HIVEP3: variants seen among roughly 807,000 people sequenced by gnomAD.
The protein encoded by HIVEP3 is HIVEP zinc finger 3.
HIVEP3 carries 49 observed loss-of-function variants against 152.8 expected under a neutral mutation model. That is an observed-to-expected ratio of 0.32 (90% CI 0.26 to 0.41). HIVEP3 has a LOEUF of 0.41. HIVEP3 is among the 10% of genes least tolerant of loss of function. HIVEP3 has a pLI of 1.00. For missense variants in HIVEP3, 2,790 were observed against 3,103.3 expected (o/e 0.90, Z 2.40); for synonymous variants, 1,269 against 1,289.0 (o/e 0.98, Z 0.33).
intron 1 of HIVEP3, among the ~76,000 whole-genome samples, chr1:41,963,233 G>A (rs191652654): frequency 1.3e-5 from 2 of 152,080 alleles, no homozygotes; most frequent in African/African-American, 4.8e-5. Context: ...GGATGGTCTC[G>A]ATCTCCTGAC....
At chr1:42,024,849 T>C (rs1416373520) in intron 1 of HIVEP3, among the ~76,000 whole-genome samples, 1 of 152,252 alleles carries the variant, frequency 6.6e-6, no homozygotes, top group African/African-American at 2.4e-5. Flanking sequence ...CATTTTGCCA[T>C]TATTCTTGAA....
At chr1:41,652,580 C>T (rs1470988089) in intron 2 of HIVEP3, among the ~76,000 whole-genome samples, 6 of 152,166 alleles carry the variant, frequency 3.9e-5, no homozygotes, top group Non-Finnish European at 7.3e-5. Context: ...ACTCACCCTA[C>T]GAGCAACGTG....
chr1:42,008,889 T>G (rs1645476971), intron 1 of HIVEP3, among the ~76,000 whole-genome samples: 1 of 152,176 alleles, frequency 6.6e-6, no homozygotes, highest in Non-Finnish European at 1.5e-5. Context: ...AATAGACACG[T>G]TAAAATTTGG....
intron 1 of HIVEP3, among the ~76,000 whole-genome samples, chr1:41,875,654 CT>C (rs1158041216): frequency 6.6e-6 from 1 of 152,188 alleles, no homozygotes; most frequent in Non-Finnish European, 1.5e-5. Context: ...GTGGGGCCTC[CT>C]TTCCCTTACT....
chr1:41,525,032 A>G, intron 5 of HIVEP3, 122 bp from the exon 6 acceptor site: 1 of 930,218 alleles, frequency 1.1e-6, no homozygotes, highest in Non-Finnish European at 1.6e-6. Flanking sequence ...AATGGAGGCC[A>G]CGGAACCAGA....
chr1:41,586,069 A>T lies in HIVEP3; in HGVS notation c.-521-751T>A, dbSNP rs148179254. 1.4e-3 allele frequency among the ~76,000 whole-genome samples: 206 copies of T among 152,338 alleles called. 1 individual carries two copies. Among genetic ancestry groups the T allele is most frequent in the African/African-American group, 4.8e-3 (201 of 41,582 alleles). On this transcript the variant is annotated intron_variant, in intron 3 of 8. Transcript: ENST00000372583. ...CTGTGACCATTTGCTTGATCCAAGC[A>T]ATTGCCAGGAGGATCATTCTGGAAG...
chr1:41,511,244 G>A lies in HIVEP3; in HGVS notation c.6428C>T (p.Pro2143Leu). 2 of 1,608,274 alleles carry A rather than the reference G, an allele frequency of 1.2e-6. No individual in the cohort carries two copies. The highest frequency in any genetic ancestry group is 1.7e-6 in the Non-Finnish European group (2 of 1,176,590). Reference sequence around the variant, plus strand: ...ATGAGCAGGGCCGGGTGAGCAGGAGGGACTTCGGGACTCGGCCTTCTGCTG... The same window carrying A: ...ATGAGCAGGGCCGGGTGAGCAGGAGAGACTTCGGGACTCGGCCTTCTGCTG... ...SPWQKAESRS[P>L]SCSPGPAHPL... The change falls in exon 9 of 9, where the codon CCC becomes CTC. Residue 2143 changes from proline to leucine, a missense_variant. Physicochemically the swap from Pro to Leu is moderately conservative, Grantham distance 98. Coordinates refer to ENST00000372583, the MANE Select transcript of HIVEP3 (RefSeq NM_024503.5). This position sits in a 1 kb window ranked among gnomAD's most constrained non-coding sequence, Gnocchi z 4.9.
chr1:41,939,254 A>G (rs1191792730), intron 1 of HIVEP3, among the ~76,000 whole-genome samples: 1 of 152,202 alleles, frequency 6.6e-6, no homozygotes, highest in Non-Finnish European at 1.5e-5. Flanking sequence ...AAGATCTAGC[A>G]TTTTATTTTG....
intron 5 of HIVEP3, among the ~76,000 whole-genome samples, chr1:41,563,630 TC>T (rs781072748): frequency 1.3e-5 from 2 of 152,036 alleles, no homozygotes; most frequent in Non-Finnish European, 2.9e-5. Context: ...ACTCATCACT[TC>T]CAATCATCTT....
At chr1:41,586,976 C>T (rs1300518473) in intron 3 of HIVEP3, among the ~76,000 whole-genome samples, 3 of 152,028 alleles carry the variant, frequency 2.0e-5, no homozygotes. Context: ...AAGAGTACTG[C>T]TATACCAATA....
At chr1:41,551,056 AC>A (rs891319018) in intron 5 of HIVEP3, among the ~76,000 whole-genome samples, 3 of 152,172 alleles carry the variant, frequency 2.0e-5, no homozygotes, top group African/African-American at 7.2e-5. Flanking sequence ...TTCCATCAAT[AC>A]CTAGTTTATT....
intron 1 of HIVEP3, among the ~76,000 whole-genome samples, chr1:41,775,314 A>AAT (rs1648627079): frequency 6.6e-6 from 1 of 152,176 alleles, no homozygotes; most frequent in Non-Finnish European, 1.5e-5. Flanking sequence ...TTTGAATGGC[A>AAT]ATATACTCCC....
intron 5 of HIVEP3, among the ~76,000 whole-genome samples, chr1:41,531,855 G>A (rs1223327413): frequency 1.0e-5 from 1 of 96,132 alleles, no homozygotes; most frequent in Non-Finnish European, 2.2e-5. Context: ...GATGGAAGAC[G>A]GGAGATGGAG....
intron 3 of HIVEP3, among the ~76,000 whole-genome samples, chr1:41,594,521 C>T (rs952955406): frequency 2.0e-5 from 3 of 152,082 alleles, no homozygotes; most frequent in Admixed American, 6.6e-5. Flanking sequence ...CCCGCCTGGC[C>T]GATATCTTAT....
chr1:41,580,096 G>A lies in HIVEP3; in HGVS notation c.4702C>T (p.Pro1568Ser), dbSNP rs750319357. The change falls in exon 4 of 9, where the codon CCG becomes TCG. Residue 1568 changes from proline to serine, a missense_variant. This residue lies in a region of HIVEP3 where 1,078 missense variants were observed against 1,165.3 expected (regional missense o/e 0.93). Transcript: ENST00000372583. ...EQPDLPSLAP[P>S]SSLPLSETSS... ...GTTTCTGACAGAGGCAGAGAGCTCG[G>A]AGGTGCCAAGGAGGGGAGATCAGGT... The A allele has an allele frequency of 6.2e-7, 1 of 1,614,244 alleles. No individual in the cohort carries two copies. Among genetic ancestry groups the A allele is most frequent in the Non-Finnish European group, 8.5e-7 (1 of 1,180,040 alleles).
intron 1 of HIVEP3, among the ~76,000 whole-genome samples, chr1:41,788,226 T>C (rs1456903568): frequency 6.6e-6 from 1 of 152,022 alleles, no homozygotes; most frequent in Non-Finnish European, 1.5e-5. Context: ...AGGGCAGCAA[T>C]GTGCCTCAGT....
chr1:41,565,527 GACACAC>G (rs56139506), intron 5 of HIVEP3, among the ~76,000 whole-genome samples: 6 of 137,268 alleles, frequency 4.4e-5, no homozygotes, highest in African/African-American at 1.0e-4. Flanking sequence ...AAAACTGAAA[GACACAC>G]ACACACACAC....
chr1:41,985,941 T>TA (rs1308664923), intron 1 of HIVEP3, among the ~76,000 whole-genome samples: 25 of 151,414 alleles, frequency 1.7e-4, no homozygotes, highest in African/African-American at 6.1e-4. Flanking sequence ...AAGTCAGTTT[T>TA]AAAAAAAAAG....
chr1:41,941,878 T>G (rs1223145172), intron 1 of HIVEP3, among the ~76,000 whole-genome samples: 2 of 152,214 alleles, frequency 1.3e-5, no homozygotes, highest in African/African-American at 4.8e-5. Flanking sequence ...TCCCTGCTAC[T>G]GGATCGCTGG....
Sources: gnomAD v4.1 joint callset for allele counts (sites outside exome capture counted in the v4.1 genomes callset) on GRCh38, gnomAD v4.1.1 for gene constraint, gnomAD v4.1.1 regional missense constraint, Gnocchi (gnomAD v3.1) non-coding constraint, MANE v1.5 for transcripts, NCBI Gene and HGNC (gene_info 2026-07-23, HGNC 2026-07-21) for gene names.